Variants in MRE11 observed in about 807,000 individuals in gnomAD.
The protein encoded by MRE11 is double-strand break repair protein MRE11.
In MRE11, 62 loss-of-function variants were observed where a neutral mutation model predicts 91.7. The ratio of observed to expected loss-of-function variants is 0.68; its 90% CI spans 0.55 to 0.84. The LOEUF is 0.84. Among genes scored for constraint, MRE11 ranks in the 40% least tolerant of loss-of-function variants. MRE11 has a pLI of 0.00. For missense variants in MRE11, 796 were observed against 852.9 expected (o/e 0.93, Z 0.83); for synonymous variants, 273 against 271.4 (o/e 1.01, Z -0.06).
intron 16 of MRE11, among the ~76,000 whole-genome samples, 200 bp from the exon 17 acceptor site, chr11:94,437,435 CTCAT>C (rs1945651060): frequency 6.6e-6 from 1 of 152,182 alleles, no homozygotes; most frequent in African/African-American, 2.4e-5. Context: ...AACTGTCAGT[CTCAT>C]TATTTCCCAG....
At chr11:94,440,289 C>T (rs1945740963) in intron 16 of MRE11, among the ~76,000 whole-genome samples, 1 of 152,164 alleles carries the variant, frequency 6.6e-6, no homozygotes, top group East Asian at 1.9e-4. Context: ...GGTCTCCAGT[C>T]TTTCTACACA....
chr11:94,496,715 G>A (rs1947422852), upstream of MRE11: 4 of 1,585,738 alleles, frequency 2.5e-6, no homozygotes, highest in African/African-American at 4.1e-5. Flanking sequence ...AAAAGGAAAT[G>A]ATGATGGAAT....
At chr11:94,461,516 AC>A (rs1331116475) in intron 11 of MRE11, among the ~76,000 whole-genome samples, 1 of 152,170 alleles carries the variant, frequency 6.6e-6, no homozygotes, top group African/African-American at 2.4e-5. Context: ...CCAATATCAT[AC>A]TGAATGGACA....
chr11:94,444,695 T>A (rs1185755161), intron 16 of MRE11, among the ~76,000 whole-genome samples: 1 of 152,218 alleles, frequency 6.6e-6, no homozygotes, highest in Non-Finnish European at 1.5e-5. Context: ...CAACTCTACT[T>A]GTGCAGCTGT....
At chr11:94,464,487 T>C (rs1046265875) in intron 10 of MRE11, among the ~76,000 whole-genome samples, 1 of 152,160 alleles carries the variant, frequency 6.6e-6, no homozygotes, top group Non-Finnish European at 1.5e-5. Context: ...ATTTCCACAA[T>C]GCAGAATGAT....
intron 14 of MRE11, among the ~76,000 whole-genome samples, chr11:94,449,845 A>G (rs1946050292): frequency 6.6e-6 from 1 of 152,238 alleles, no homozygotes; most frequent in South Asian, 2.1e-4. Flanking sequence ...GCATATCTTA[A>G]TAGAAAAGAT....
intron 12 of MRE11, among the ~76,000 whole-genome samples, chr11:94,460,690 A>T (rs1946390961): frequency 6.7e-6 from 1 of 149,574 alleles, no homozygotes; most frequent in South Asian, 2.2e-4. Context: ...AGATACAAAG[A>T]AAGAGAATAA....
At chr11:94,461,291 G>T (rs7112263) in intron 11 of MRE11, among the ~76,000 whole-genome samples, 1 of 152,096 alleles carries the variant, frequency 6.6e-6, no homozygotes, top group African/African-American at 2.4e-5. Context: ...ACAGACTTCT[G>T]GAGGTCCTCA....
At chr11:94,435,166 T>G (rs546607171) in intron 18 of MRE11, among the ~76,000 whole-genome samples, 1 of 152,282 alleles carries the variant, frequency 6.6e-6, no homozygotes, top group East Asian at 1.9e-4. Flanking sequence ...TAGTTAAGAA[T>G]ATAAAAATAA....
In MRE11 at chr11:94,424,959, G is replaced by T. The variant is rs113605104; in HGVS notation, c.2071-4778C>A. 5.8e-3 allele frequency among the ~76,000 whole-genome samples: 881 copies of T among 152,212 alleles called. 14 individuals carry two copies. The highest frequency in any genetic ancestry group is 0.019 in the African/African-American group (799 of 41,540). On this transcript the variant is annotated intron_variant, in intron 19 of 19. Coordinates refer to ENST00000323929, the MANE Select transcript of MRE11 (RefSeq NM_005591.4). Reference sequence around the variant, plus strand: ...ACAGTCCAGAAAAATTTCTCCAATCGTGCTAGAAAGGTTGACATGCAAATT... The same window carrying T: ...ACAGTCCAGAAAAATTTCTCCAATCTTGCTAGAAAGGTTGACATGCAAATT...
At chr11:94,426,458 GTTAATTTA>G (rs1486652319) in intron 19 of MRE11, among the ~76,000 whole-genome samples, 4 of 39,900 alleles carry the variant, frequency 1.0e-4, no homozygotes, top group East Asian at 2.0e-3. Flanking sequence ...TTAACAATTT[GTTAATTTA>G]AATCAAATTA....
chr11:94,479,779 A>C lies in MRE11; in HGVS notation c.315-18T>G, dbSNP rs2135092166. ...ATGGAAACCTTAAAAAAAAAAAGTT[A>C]CTTAAAATTTCCATACGGGACAAAA... is the stretch of plus-strand genomic sequence containing the variant. On this transcript the variant is annotated intron_variant, in intron 4 of 19. Transcript: ENST00000323929. 1 of 1,599,294 alleles carries C rather than the reference A, an allele frequency of 6.3e-7. No individual in the cohort carries two copies. Among genetic ancestry groups the C allele is most frequent in the South Asian group, 1.1e-5 (1 of 90,720 alleles).
chr11:94,467,792 A>G, intron 10 of MRE11, 21 bp downstream of exon 10: 1 of 1,569,566 alleles, frequency 6.4e-7, no homozygotes. Flanking sequence ...ATAATATTCA[A>G]TCTATATAAA....
the MRE11 span, among the ~76,000 whole-genome samples, chr11:94,508,796 C>G: frequency 6.8e-6 from 1 of 147,242 alleles, no homozygotes; most frequent in African/African-American, 2.5e-5. Context: ...GAGTCTTGCT[C>G]TTTCACCCAG....
chr11:94,425,515 T>C (rs1945289454), intron 19 of MRE11, among the ~76,000 whole-genome samples: 2 of 152,162 alleles, frequency 1.3e-5, no homozygotes, highest in African/African-American at 2.4e-5. Context: ...ACTCTGAATA[T>C]AAATTGTCTA....
Position 94,488,721 on chromosome 11 carries a change from G to A in MRE11, c.153+2112C>T, listed in dbSNP as rs114338420. Among the ~76,000 whole-genome samples the A allele has an allele frequency of 6.1e-3, 935 of 152,108 alleles. 5 individuals are homozygous for A. The highest frequency in any genetic ancestry group is 0.02 in the African/African-American group (847 of 41,536). On this transcript the variant is annotated intron_variant, in intron 3 of 19. Coordinates refer to ENST00000323929, the MANE Select transcript of MRE11 (RefSeq NM_005591.4). ...GGAGGAACAGAAAAATCAAATACTT[G>A]TAAGTGGGAGCTAAATGATGAGAAG...
intron 16 of MRE11, among the ~76,000 whole-genome samples, chr11:94,442,109 CAGAA>C: frequency 6.6e-6 from 1 of 151,392 alleles, no homozygotes; most frequent in Non-Finnish European, 1.5e-5. Flanking sequence ...ACTGAAGACT[CAGAA>C]GGAGAATAAG....
rs779069227 is a variant in MRE11 at position 94,492,680 on chromosome 11, C to T, written c.20+102G>A. ...TAATATTTCTGTTCATAAACAGGTTCCTTATTTACTGCTTATTAAATAAGT... is the reference window on the plus strand; with the variant it reads ...TAATATTTCTGTTCATAAACAGGTTTCTTATTTACTGCTTATTAAATAAGT... On this transcript the variant is annotated intron_variant, in intron 2 of 19. Coordinates refer to ENST00000323929, the MANE Select transcript of MRE11 (RefSeq NM_005591.4). 8.0e-6 allele frequency: 12 copies of T among 1,492,610 alleles called. No homozygotes were observed. The African/African-American group carries it at 1.5e-4, about 19-fold the overall frequency. 92.5% of individuals were successfully genotyped at this position (1,492,610 alleles called of 1,614,324 possible). A position where few individuals can be genotyped will look rare whatever the true frequency, so the allele number is the denominator to read the frequency against.
intron 19 of MRE11, among the ~76,000 whole-genome samples, chr11:94,420,676 T>C (rs1181221906): frequency 1.3e-5 from 2 of 152,172 alleles, no homozygotes; most frequent in Non-Finnish European, 2.9e-5. Context: ...AAAAACAACC[T>C]AGCAAAGCAA....
Sources: gnomAD v4.1 joint callset for allele counts (sites outside exome capture counted in the v4.1 genomes callset) on GRCh38, gnomAD v4.1.1 for gene constraint, MANE v1.5 for transcripts, NCBI Gene and HGNC (gene_info 2026-07-23, HGNC 2026-07-21) for gene names.